Variants in TDRD12 observed in about 807,000 individuals in gnomAD.
TDRD12 encodes the protein putative ATP-dependent RNA helicase TDRD12.
Under a neutral mutation model 133.5 loss-of-function variants are expected in TDRD12, and 158 were observed. The observed-to-expected ratio is 1.18, with a 90% CI of 1.04 to 1.35. The LOEUF is 1.35. Ranked by LOEUF, TDRD12 falls within the 40% of genes most tolerant of loss-of-function variation. The pLI is 0.00. For synonymous variants in TDRD12, 460 were observed against 477.9 expected, an observed-to-expected ratio of 0.96 and a Z score of 0.49; for missense variants, 1,443 against 1,321.3, an observed-to-expected ratio of 1.09 and a Z score of -1.43.
intron 16 of TDRD12, 41 bp from the exon 17 acceptor site, chr19:32,800,126 C>G: frequency 8.4e-7 from 1 of 1,184,644 alleles, no homozygotes; most frequent in Non-Finnish European, 1.2e-6. Context: ...AGTTCTTACT[C>G]TTTTGAAATA....
At chr19:32,796,928 G>A (rs948777301) in intron 14 of TDRD12, among the ~76,000 whole-genome samples, 9 of 152,016 alleles carry the variant, frequency 5.9e-5, no homozygotes, top group South Asian at 2.1e-4. Context: ...GTTACCTGTC[G>A]GCTTGCAGAG....
intron 1 of TDRD12, among the ~76,000 whole-genome samples, chr19:32,720,789 A>C (rs1434711579): frequency 2.4e-4 from 4 of 16,678 alleles, no homozygotes; most frequent in Admixed American, 7.6e-4. Context: ...CCCCACCTCC[A>C]CTCCAACCCC....
chr19:32,820,496 A>G (rs1166114660), intron 27 of TDRD12, among the ~76,000 whole-genome samples: 1 of 152,240 alleles, frequency 6.6e-6, no homozygotes, highest in Non-Finnish European at 1.5e-5. Flanking sequence ...TAAAATAAGT[A>G]TTCTAGCTAG....
intron 11 of TDRD12, among the ~76,000 whole-genome samples, chr19:32,788,748 G>C (rs867638187): frequency 6.6e-6 from 1 of 152,152 alleles, no homozygotes; most frequent in African/African-American, 2.4e-5. Context: ...CCAGTGAGCC[G>C]GTGAGGGTCT....
chr19:32,739,694 TA>T (rs1969344203), intron 3 of TDRD12, among the ~76,000 whole-genome samples: 1 of 122,360 alleles, frequency 8.2e-6, no homozygotes, highest in African/African-American at 3.2e-5. Flanking sequence ...ATCTCCTGGG[TA>T]CTCTCTGCAT....
chr19:32,752,190 CT>C (rs1969850455), intron 6 of TDRD12, among the ~76,000 whole-genome samples: 1 of 147,946 alleles, frequency 6.8e-6, no homozygotes, highest in Non-Finnish European at 1.5e-5. Flanking sequence ...TTCATTTTTT[CT>C]TTTTTTAGAC....
At chr19:32,796,904 G>A (rs543851274) in intron 14 of TDRD12, among the ~76,000 whole-genome samples, 52 of 152,170 alleles carry the variant, frequency 3.4e-4, no homozygotes, top group African/African-American at 1.2e-3. Flanking sequence ...CTGGCAGGCA[G>A]TGCAGCTTCA....
At chr19:32,826,005 G>T, downstream of TDRD12, 1 of 861,174 alleles carries the variant, frequency 1.2e-6, no homozygotes, top group Non-Finnish European at 1.8e-6. Context: ...TCTAGACGTT[G>T]CATAAGGTAC....
chr19:32,753,125 T>A (rs1282689434), intron 6 of TDRD12, among the ~76,000 whole-genome samples: 1 of 152,142 alleles, frequency 6.6e-6, no homozygotes, highest in East Asian at 1.9e-4. Context: ...GCAGCTCTGG[T>A]TCCTTTTATT....
chr19:32,740,748 C>T lies in TDRD12; in HGVS notation c.320+1756C>T, dbSNP rs180795345. On this transcript the variant is annotated intron_variant, in intron 3 of 27. Coordinates refer to ENST00000444215, the Ensembl canonical transcript of TDRD12. ...AGAAGGGGGGTTGCTGGCATAGTCT[C>T]AGGGTGCACAGAGCAGAGCTTGTAC... Among the ~76,000 whole-genome samples, 484 of 152,276 alleles carry T rather than the reference C, an allele frequency of 3.2e-3. 3 individuals carry two copies. The highest frequency in any genetic ancestry group is 0.01 in the African/African-American group (436 of 41,566).
intron 11 of TDRD12, among the ~76,000 whole-genome samples, chr19:32,779,084 C>A (rs1445999014): frequency 1.3e-5 from 2 of 152,208 alleles, no homozygotes; most frequent in Non-Finnish European, 2.9e-5. Context: ...CCTGGGGAAC[C>A]CTGTGCTGTC....
chr19:32,794,071 G>A (rs1421070502), intron 13 of TDRD12, among the ~76,000 whole-genome samples: 4 of 128,794 alleles, frequency 3.1e-5, no homozygotes, highest in Non-Finnish European at 6.3e-5. Flanking sequence ...AGGGATTACA[G>A]ACATGAGCCA....
At chr19:32,829,107 G>T (rs904867448) in exon 10 of TDRD12, 1 of 152,290 alleles carries the variant, frequency 6.6e-6, no homozygotes, top group African/African-American at 2.4e-5. Flanking sequence ...ATCAGTGTCT[G>T]TTTCTCTGCA....
chr19:32,744,574 T>C lies in TDRD12; in HGVS notation c.440+1674T>C, dbSNP rs79677905. Reference sequence around the variant, plus strand: ...TAAAATACACAGACGTAGAGGCATATATATATACGTGTGCCCCGCACCCCA... The same window carrying C: ...TAAAATACACAGACGTAGAGGCATACATATATACGTGTGCCCCGCACCCCA... On this transcript the variant is annotated intron_variant, in intron 4 of 27. Coordinates refer to ENST00000444215, the Ensembl canonical transcript of TDRD12. 0.012 allele frequency among the ~76,000 whole-genome samples: 1,803 copies of C among 145,846 alleles called. 61 individuals carry two copies. The East Asian group carries it at 0.15, about 12-fold the overall frequency.
At chr19:32,811,917 C>T (rs11670513) in intron 24 of TDRD12, among the ~76,000 whole-genome samples, 91,496 of 152,018 alleles carry the variant, frequency 0.6, 28,678 homozygotes, top group East Asian at 0.83. Context: ...GAAAAGTGGA[C>T]CCTCCAGCCA....
chr19:32,797,637 G>T, intron 14 of TDRD12, 98 bp from the exon 15 acceptor site: 1 of 542,694 alleles, frequency 1.8e-6, no homozygotes, highest in Middle Eastern at 2.7e-4. Context: ...AAACTTACGG[G>T]GTGCTGCTTC....
Position 32,790,961 on chromosome 19 carries a change from C to T in TDRD12, c.1183-3C>T. On this transcript the variant is annotated splice_region_variant and splice_polypyrimidine_tract_variant and intron_variant, in intron 12 of 27. Transcript: ENST00000444215. Reference sequence around the variant, plus strand: ...TGGTTGTCTAATGCACACGTTCTCTCAGTTGCAGAAGCTGAAGGGCCTGCA... The same window carrying T: ...TGGTTGTCTAATGCACACGTTCTCTTAGTTGCAGAAGCTGAAGGGCCTGCA... 6.5e-7 allele frequency: 1 copy of T among 1,535,312 alleles called. No homozygotes were observed. Among genetic ancestry groups the T allele is most frequent in the Non-Finnish European group, 8.7e-7 (1 of 1,146,730 alleles).
downstream of TDRD12, chr19:32,826,021 A>AAT: frequency 1.1e-6 from 1 of 919,036 alleles, no homozygotes; most frequent in Non-Finnish European, 1.5e-6. Flanking sequence ...GGTACAAAAA[A>AAT]GTATATATAT....
rs1969303337 is a variant in TDRD12, at chr19:32,738,842, T to C, written c.184-14T>C. 1 of 1,546,960 alleles carries C rather than the reference T, an allele frequency of 6.5e-7. No individual in the cohort carries two copies. The highest frequency in any genetic ancestry group is 1.4e-5 in the African/African-American group (1 of 72,710). The stretch of plus-strand genomic sequence containing the variant: ...AAATAAATAAATAAAAATAACTCTC[T>C]GTTTATTTTGCAGGTGTGTGTGGTC... On this transcript the variant is annotated splice_polypyrimidine_tract_variant and intron_variant, in intron 2 of 27. Coordinates refer to ENST00000444215, the Ensembl canonical transcript of TDRD12.
Sources: allele counts gnomAD v4.1 joint callset (sites outside exome capture counted in the v4.1 genomes callset), GRCh38; gene constraint gnomAD v4.1.1; transcripts MANE v1.5; gene names NCBI Gene and HGNC (gene_info 2026-07-23, HGNC 2026-07-21).